TBC1D22A: variants seen among roughly 807,000 people sequenced by gnomAD.
The protein encoded by TBC1D22A is TBC1 domain family member 22A, also known as putative GTPase activator.
A neutral mutation model predicts 60.2 loss-of-function variants in TBC1D22A; 38 were observed. The ratio of observed to expected loss-of-function variants is 0.63; its 90% CI spans 0.49 to 0.83. The LOEUF is 0.83. Among genes scored for constraint, TBC1D22A ranks in the 40% least tolerant of loss-of-function variants. The probability of loss-of-function intolerance (pLI) is 0.00; values close to 1 mark genes in which losing one functional copy is unlikely to be tolerated. For synonymous variants in TBC1D22A, 302 were observed against 281.7 expected (o/e 1.07, Z -0.72); for missense variants, 628 against 701.0 (o/e 0.90, Z 1.18).
chr22:47,013,210 G>A lies in TBC1D22A; in HGVS notation c.1201+15501G>A, dbSNP rs776623241. 5.3e-4 allele frequency among the ~76,000 whole-genome samples: 80 copies of A among 152,136 alleles called. 1 individual carries two copies. The highest frequency in any genetic ancestry group is 8.3e-4 in the South Asian group (4 of 4,824). ...ATTGCGGTTAGCATTTTTCTTTTTA[G>A]CTGCTCAAGTGTGGAGTGTGTTTAC... On this transcript the variant is annotated intron_variant, in intron 10 of 12. Transcript: ENST00000337137.
chr22:46,836,304 G>C (rs1056018568), intron 4 of TBC1D22A, among the ~76,000 whole-genome samples: 1 of 152,144 alleles, frequency 6.6e-6, no homozygotes, highest in Admixed American at 6.5e-5. Context: ...AATTAATTAT[G>C]GTATCAATAG....
Position 47,030,171 on chromosome 22 carries a change from A to G in TBC1D22A, c.1202-6900A>G, listed in dbSNP as rs527865444. ...TTAGAGAATTGAAATCTTCCCCCAG[A>G]ATCAAAGCCTATTCATGGCTGTCCC... On this transcript the variant is annotated intron_variant, in intron 10 of 12. Coordinates refer to ENST00000337137, the MANE Select transcript of TBC1D22A (RefSeq NM_014346.5). Among the ~76,000 whole-genome samples the G allele has an allele frequency of 2.0e-5, 3 of 152,350 alleles. No homozygotes were observed. The East Asian group carries it at 5.8e-4, about 29-fold the overall frequency.
chr22:47,100,899 C>T (rs769826595), intron 11 of TBC1D22A, among the ~76,000 whole-genome samples: 37 of 152,290 alleles, frequency 2.4e-4, no homozygotes, highest in Non-Finnish European at 4.4e-4. Flanking sequence ...TCAGAGGGAT[C>T]GCTTGGTCTC....
chr22:47,041,448 GC>G (rs1358165270), intron 11 of TBC1D22A, among the ~76,000 whole-genome samples: 1 of 152,234 alleles, frequency 6.6e-6, no homozygotes. Context: ...ACACCCAAGG[GC>G]AGGTGCTGCG....
In TBC1D22A at chr22:47,035,591, G is replaced by A. The variant is rs539846667; in HGVS notation, c.1202-1480G>A. 1.9e-4 allele frequency among the ~76,000 whole-genome samples: 29 copies of A among 152,284 alleles called. 1 individual carries two copies. The South Asian group carries it at 5.8e-3, about 31-fold the overall frequency. On this transcript the variant is annotated intron_variant, in intron 10 of 12. Coordinates refer to ENST00000337137, the MANE Select transcript of TBC1D22A (RefSeq NM_014346.5). ...TGACACCCAGCCCTACAGGAGCCCC[G>A]CCCCAGCACGTTTGCCCTGGTCAGC...
intron 11 of TBC1D22A, among the ~76,000 whole-genome samples, chr22:47,074,811 C>T (rs1030990537): frequency 5.3e-5 from 8 of 152,308 alleles, no homozygotes; most frequent in South Asian, 4.1e-4. Context: ...GTCTGCACAC[C>T]GCAGCCTGGC....
At chr22:46,955,222 A>G (rs1602650907) in intron 8 of TBC1D22A, among the ~76,000 whole-genome samples, 1 of 152,164 alleles carries the variant, frequency 6.6e-6, no homozygotes, top group African/African-American at 2.4e-5. Context: ...TTGTTATTGA[A>G]GTGGTTTGTT....
chr22:47,020,658 G>C (rs1362442139), intron 10 of TBC1D22A, among the ~76,000 whole-genome samples: 2 of 151,916 alleles, frequency 1.3e-5, no homozygotes, highest in Non-Finnish European at 2.9e-5. Context: ...GGAGAGTGCA[G>C]TGCAGTCGGT....
Position 46,792,596 on chromosome 22 carries a change from C to T in TBC1D22A, c.119+20C>T. 2.5e-6 allele frequency: 4 copies of T among 1,614,258 alleles called. No individual in the cohort carries two copies. Among genetic ancestry groups the T allele is most frequent in the African/African-American group, 1.3e-5 (1 of 75,070 alleles). On this transcript the variant is annotated intron_variant, in intron 2 of 12. Transcript: ENST00000337137. ...TGGCACGTAAGTGACGTTCCAACCTCACTTGGCGTCTCGGCTCTGATATGG... is the reference window on the plus strand; with the variant it reads ...TGGCACGTAAGTGACGTTCCAACCTTACTTGGCGTCTCGGCTCTGATATGG...
At chr22:46,778,072 C>G (rs1413322745) in intron 1 of TBC1D22A, among the ~76,000 whole-genome samples, 1 of 152,084 alleles carries the variant, frequency 6.6e-6, no homozygotes, top group Non-Finnish European at 1.5e-5. Context: ...AGTACAAATA[C>G]AGAATGAAAG....
intron 11 of TBC1D22A, among the ~76,000 whole-genome samples, chr22:47,079,540 CT>C (rs2064373472): frequency 6.6e-6 from 1 of 152,150 alleles, no homozygotes. Flanking sequence ...TTGTAAGGTT[CT>C]TATATTTAAG....
intron 11 of TBC1D22A, among the ~76,000 whole-genome samples, 193 bp downstream of exon 11, chr22:47,037,391 A>G (rs2062691980): frequency 6.6e-6 from 1 of 152,052 alleles, no homozygotes; most frequent in Admixed American, 6.5e-5. Context: ...GCACTTTGGG[A>G]GGCCAAGGTG....
chr22:47,064,999 T>A (rs1221655222), intron 11 of TBC1D22A, among the ~76,000 whole-genome samples: 2 of 152,030 alleles, frequency 1.3e-5, no homozygotes, highest in Admixed American at 1.3e-4. Context: ...TTATTTATTT[T>A]TTGAGACGGA....
intron 11 of TBC1D22A, among the ~76,000 whole-genome samples, chr22:47,091,105 A>G (rs200843774): frequency 0.015 from 578 of 37,774 alleles, no homozygotes; most frequent in Middle Eastern, 0.031. Context: ...ACGAGAAGTC[A>G]TCTTTGGTGG....
chr22:47,172,665 G>T (rs1414588850), intron 12 of TBC1D22A, among the ~76,000 whole-genome samples: 2 of 152,208 alleles, frequency 1.3e-5, no homozygotes, highest in African/African-American at 4.8e-5. Context: ...TTAAATCTCA[G>T]TCTAAGGCAA....
At chr22:47,171,660 C>T (rs532484345) in intron 12 of TBC1D22A, among the ~76,000 whole-genome samples, 1 of 152,340 alleles carries the variant, frequency 6.6e-6, no homozygotes, top group Admixed American at 6.5e-5. Flanking sequence ...GTTGGGGTCC[C>T]CGGAGACCTG....
chr22:47,111,664 T>C (rs1429644739), intron 12 of TBC1D22A, 61 bp downstream of exon 12: 15 of 1,456,694 alleles, frequency 1.0e-5, no homozygotes, highest in Middle Eastern at 1.7e-4. Context: ...AGAGGTTTAT[T>C]ACATTTTAGT....
At chr22:47,010,447 G>C (rs904936622) in intron 10 of TBC1D22A, among the ~76,000 whole-genome samples, 1 of 152,236 alleles carries the variant, frequency 6.6e-6, no homozygotes, top group African/African-American at 2.4e-5. Context: ...AGGCACATGC[G>C]TAATTGCTGT....
At chr22:47,015,656 G>C (rs2061886977) in intron 10 of TBC1D22A, among the ~76,000 whole-genome samples, 1 of 152,188 alleles carries the variant, frequency 6.6e-6, no homozygotes, top group East Asian at 1.9e-4. Flanking sequence ...GCTGCTCCCG[G>C]ACAGCAGCAG....
Sources: gnomAD v4.1 joint callset for allele counts (sites outside exome capture counted in the v4.1 genomes callset) on GRCh38, gnomAD v4.1.1 for gene constraint, MANE v1.5 for transcripts, NCBI Gene and HGNC (gene_info 2026-07-23, HGNC 2026-07-21) for gene names.